PCDH11X: variants seen among roughly 807,000 people sequenced by gnomAD.
PCDH11X encodes the protein protocadherin 11 X-linked.
In PCDH11X, 18 loss-of-function variants were observed where a neutral mutation model predicts 53.3. The ratio of observed to expected loss-of-function variants is 0.34; its 90% CI spans 0.23 to 0.50. The LOEUF is 0.50. PCDH11X is among the 20% of genes least tolerant of loss of function. PCDH11X has a pLI of 0.98. For missense variants in PCDH11X, 570 were observed against 1,032.4 expected (o/e 0.55, Z 6.14); for synonymous variants, 279 against 393.3 (o/e 0.71, Z 3.44).
chrX:92,612,269 A>C (rs1388600432), intron 10 of PCDH11X, among the ~76,000 whole-genome samples: 1 of 110,739 alleles, frequency 9.0e-6, no homozygotes, highest in African/African-American at 3.3e-5. Flanking sequence ...TTACTGATAC[A>C]ATCTCAAAAC....
At chrX:92,146,123 C>CAT (rs10561661) in intron 6 of PCDH11X, among the ~76,000 whole-genome samples, 23 of 110,417 alleles carry the variant, frequency 2.1e-4, no homozygotes, top group Admixed American at 4.9e-4. Flanking sequence ...TCATAAACAT[C>CAT]ATATATATAT....
At chrX:92,252,207 T>A (rs2067474406) in intron 7 of PCDH11X, among the ~76,000 whole-genome samples, 1 of 110,947 alleles carries the variant, frequency 9.0e-6, no homozygotes, top group South Asian at 3.7e-4. Context: ...GTCGTGGTAG[T>A]TATATTTATT....
chrX:92,153,502 C>A (rs2065476539), intron 6 of PCDH11X, among the ~76,000 whole-genome samples: 1 of 111,717 alleles, frequency 9.0e-6, no homozygotes, highest in Non-Finnish European at 1.9e-5. Context: ...AGTTTAAGCA[C>A]AATTAGGTGT....
At chrX:92,201,526 C>A (rs1438492307) in intron 7 of PCDH11X, 71 bp downstream of exon 7, 7 of 654,365 alleles carry the variant, frequency 1.1e-5, no homozygotes, top group Non-Finnish European at 1.6e-5. Flanking sequence ...ATAAGGAATA[C>A]TCTTAAGTAG....
chrX:91,808,849 T>C (rs1420933293), intron 1 of PCDH11X, among the ~76,000 whole-genome samples: 7 of 111,027 alleles, frequency 6.3e-5, no homozygotes, highest in Non-Finnish European at 1.1e-4. Context: ...TATGGAAGGT[T>C]AAATAGATGA....
chrX:92,182,727 C>T (rs2066017972), intron 6 of PCDH11X, among the ~76,000 whole-genome samples: 1 of 111,883 alleles, frequency 8.9e-6, no homozygotes, highest in Non-Finnish European at 1.9e-5. Flanking sequence ...TGAGAGATGA[C>T]TTACTCCTCC....
chrX:92,544,406 A>C (rs1030247493), intron 10 of PCDH11X, among the ~76,000 whole-genome samples: 1 of 112,141 alleles, frequency 8.9e-6, no homozygotes, highest in Non-Finnish European at 1.9e-5. Context: ...TTAACAAAAC[A>C]TGTAGCAAAA....
intron 8 of PCDH11X, among the ~76,000 whole-genome samples, chrX:92,319,063 A>T (rs1306037840): frequency 1.8e-5 from 2 of 112,416 alleles, no homozygotes; most frequent in African/African-American, 6.5e-5. Flanking sequence ...TTTTGCAAGC[A>T]GCCTCATTGC....
intron 7 of PCDH11X, among the ~76,000 whole-genome samples, chrX:92,241,911 G>A: frequency 9.0e-6 from 1 of 110,990 alleles, no homozygotes; most frequent in Admixed American, 9.7e-5. Flanking sequence ...GTATATATGT[G>A]TGTATTCAGC....
intron 10 of PCDH11X, among the ~76,000 whole-genome samples, chrX:92,519,887 C>G (rs2074337499): frequency 9.1e-6 from 1 of 109,817 alleles, no homozygotes; most frequent in African/African-American, 3.3e-5. Flanking sequence ...ATAGCTGTAT[C>G]TTTGGAGATT....
intron 4 of PCDH11X, among the ~76,000 whole-genome samples, chrX:91,816,220 A>C (rs1252343313): frequency 8.9e-6 from 1 of 111,918 alleles, no homozygotes; most frequent in African/African-American, 3.3e-5. Flanking sequence ...AATTATCATA[A>C]AATTAAAATA....
intron 6 of PCDH11X, among the ~76,000 whole-genome samples, chrX:91,997,221 T>G (rs1213439964): frequency 9.0e-6 from 1 of 110,499 alleles, no homozygotes; most frequent in Non-Finnish European, 1.9e-5. Context: ...TTTTCTTGTT[T>G]AATTTTTCTG....
chrX:92,443,937 T>C (rs1004853279), intron 9 of PCDH11X, among the ~76,000 whole-genome samples: 2 of 111,028 alleles, frequency 1.8e-5, no homozygotes, highest in African/African-American at 6.5e-5. Context: ...TGTAGCCTCA[T>C]AGTGTAATTT....
At chrX:92,087,841 A>G (rs190027426) in intron 6 of PCDH11X, among the ~76,000 whole-genome samples, 15 of 109,122 alleles carry the variant, frequency 1.4e-4, no homozygotes, top group Admixed American at 1.3e-3. Flanking sequence ...ATGGCAAATA[A>G]TGAGTTATGC....
In PCDH11X at chrX:91,940,394, A is replaced by G. The variant is rs1290471776; in HGVS notation, c.3033+61121A>G. On this transcript the variant is annotated intron_variant, in intron 6 of 10. Transcript: ENST00000682573. ...CTTAGCTATTTATAAAACATTAATG[A>G]CAATATATTGGAGTTTATAACATAT... Among the ~76,000 whole-genome samples the G allele has an allele frequency of 5.4e-5, 6 of 111,995 alleles. No individual in the cohort carries two copies. The Admixed American group carries it at 5.7e-4, about 11-fold the overall frequency.
intron 10 of PCDH11X, among the ~76,000 whole-genome samples, chrX:92,528,346 G>T (rs2074494248): frequency 8.9e-6 from 1 of 111,925 alleles, no homozygotes; most frequent in Admixed American, 9.5e-5. Context: ...AGGCTGAAGT[G>T]CAATGGCGCA....
chrX:92,470,244 G>A, intron 10 of PCDH11X, among the ~76,000 whole-genome samples: 1 of 99,804 alleles, frequency 1.0e-5, no homozygotes, highest in Non-Finnish European at 2.0e-5. Context: ...ATATTCATCA[G>A]TGATATTGGC....
chrX:91,996,029 G>C (rs2062414034), intron 6 of PCDH11X, among the ~76,000 whole-genome samples: 1 of 106,518 alleles, frequency 9.4e-6, no homozygotes, highest in African/African-American at 3.4e-5. Flanking sequence ...TTTTAGTAGA[G>C]ACGGGGTTTC....
At chrX:92,508,652 A>C (rs2074110669) in intron 10 of PCDH11X, among the ~76,000 whole-genome samples, 2 of 110,385 alleles carry the variant, frequency 1.8e-5, no homozygotes, top group South Asian at 7.7e-4. Flanking sequence ...ATAAAAATAA[A>C]TAGAATATGG....
Sources: gnomAD v4.1 joint callset for allele counts (sites outside exome capture counted in the v4.1 genomes callset) on GRCh38, gnomAD v4.1.1 for gene constraint, MANE v1.5 for transcripts, NCBI Gene and HGNC (gene_info 2026-07-23, HGNC 2026-07-21) for gene names.